DENND1A: variants seen among roughly 807,000 people sequenced by gnomAD.
DENND1A encodes DENN domain-containing protein 1A.
A neutral mutation model predicts 113.7 loss-of-function variants in DENND1A; 51 were observed. The ratio of observed to expected loss-of-function variants is 0.45; its 90% CI spans 0.36 to 0.57. DENND1A has a LOEUF of 0.57. Ranked by LOEUF, DENND1A falls within the 20% of genes least tolerant of loss-of-function variation. The pLI, the probability that DENND1A is intolerant of heterozygous loss-of-function variation, is 0.00. For missense variants in DENND1A, 1,258 were observed against 1,395.9 expected (o/e 0.90, Z 1.57); for synonymous variants, 565 against 570.8 (o/e 0.99, Z 0.14).
chr9:123,492,722 T>C (rs2051486915), intron 13 of DENND1A: 1 of 152,164 alleles, frequency 6.6e-6, no homozygotes, highest in African/African-American at 2.4e-5. Flanking sequence ...CAGTGCGACA[T>C]GTGATAATGA....
chr9:123,609,433 TAC>T lies in DENND1A; in HGVS notation c.765+1_765+2del. 1 of 1,613,486 alleles carries T rather than the reference TAC, an allele frequency of 6.2e-7. No individual in the cohort carries two copies. The highest frequency in any genetic ancestry group is 8.5e-7 in the Non-Finnish European group (1 of 1,179,746). ...CATCTGGGGAGGAAAGAAGCCAACT[TAC>T]CTCCATTAAACTTAAATGGATTCCT... On this transcript the variant is annotated splice_donor_variant, in intron 11 of 23. Transcript: ENST00000394215. LOFTEE classifies it high-confidence loss of function.
At chr9:123,394,536 G>A (rs902428502) in intron 21 of DENND1A, among the ~76,000 whole-genome samples, 1 of 152,234 alleles carries the variant, frequency 6.6e-6, no homozygotes, top group African/African-American at 2.4e-5. Flanking sequence ...CTTGGGTTAT[G>A]CCCTTGGCTT....
chr9:123,607,865 C>T (rs2137653000), intron 11 of DENND1A, among the ~76,000 whole-genome samples: 1 of 152,062 alleles, frequency 6.6e-6, no homozygotes, highest in South Asian at 2.1e-4. Context: ...CTGGAGCAGT[C>T]TGGAAGGCAG....
At chr9:123,694,757 A>G (rs980198062) in intron 5 of DENND1A, among the ~76,000 whole-genome samples, 1 of 152,216 alleles carries the variant, frequency 6.6e-6, no homozygotes, top group Admixed American at 6.5e-5. Flanking sequence ...CTTTAGCTCC[A>G]AAGCTGATGA....
chr9:123,400,094 A>C (rs573433916), intron 21 of DENND1A: 4 of 152,268 alleles, frequency 2.6e-5, no homozygotes, highest in Non-Finnish European at 5.9e-5. Flanking sequence ...GGAAGTAGCC[A>C]GTACTTCTTG....
intron 5 of DENND1A, among the ~76,000 whole-genome samples, chr9:123,726,994 A>G (rs535937939): frequency 6.6e-6 from 1 of 152,340 alleles, no homozygotes; most frequent in African/African-American, 2.4e-5. Context: ...GCAGTCATAG[A>G]ACCTTGGTCA....
intron 3 of DENND1A, among the ~76,000 whole-genome samples, chr9:123,775,856 A>G (rs1192782883): frequency 2.0e-5 from 3 of 152,172 alleles, no homozygotes; most frequent in Non-Finnish European, 2.9e-5. Flanking sequence ...GCAGTCGATA[A>G]TGGGCCCATG....
intron 2 of DENND1A, among the ~76,000 whole-genome samples, chr9:123,827,392 A>ATAT (rs1564348811): frequency 2.1e-4 from 30 of 140,788 alleles, no homozygotes; most frequent in Non-Finnish European, 4.0e-4. Context: ...ATGGATATAT[A>ATAT]ATATATATAT....
intron 5 of DENND1A, among the ~76,000 whole-genome samples, chr9:123,740,443 A>G (rs1163187447): frequency 1.3e-5 from 2 of 152,164 alleles, no homozygotes; most frequent in African/African-American, 2.4e-5. Flanking sequence ...GACACTTTCA[A>G]TTACTCTTAG....
At chr9:123,848,175 C>T (rs1167063775) in intron 2 of DENND1A, among the ~76,000 whole-genome samples, 1 of 124,440 alleles carries the variant, frequency 8.0e-6, no homozygotes, top group African/African-American at 3.1e-5. Context: ...TTCTCAGAAA[C>T]TGTTGATTTG....
chr9:123,914,396 C>T (rs1003555158), intron 1 of DENND1A, among the ~76,000 whole-genome samples: 5 of 151,566 alleles, frequency 3.3e-5, no homozygotes, highest in Admixed American at 3.3e-4. Flanking sequence ...AAAAAATTAG[C>T]CGAGCATGGT....
At chr9:123,585,179 C>T (rs2059103520) in intron 11 of DENND1A, among the ~76,000 whole-genome samples, 1 of 152,184 alleles carries the variant, frequency 6.6e-6, no homozygotes, top group African/African-American at 2.4e-5. Context: ...ACTAACTTCT[C>T]CACGCCTCTG....
At chr9:123,820,518 C>T (rs1414744925) in intron 2 of DENND1A, among the ~76,000 whole-genome samples, 1 of 152,152 alleles carries the variant, frequency 6.6e-6, no homozygotes, top group East Asian at 1.9e-4. Flanking sequence ...TCATCTTGGA[C>T]ATGGCGAGCT....
chr9:123,735,106 A>C (rs551625825), intron 5 of DENND1A, among the ~76,000 whole-genome samples: 2 of 152,312 alleles, frequency 1.3e-5, no homozygotes, highest in South Asian at 4.1e-4. Context: ...TTCTCCCCCC[A>C]AGAAAATCAA....
intron 13 of DENND1A, among the ~76,000 whole-genome samples, chr9:123,502,122 T>C (rs1167920721): frequency 1.3e-5 from 2 of 152,134 alleles, no homozygotes; most frequent in Non-Finnish European, 2.9e-5. Context: ...TATATATCTA[T>C]ATCTACATAT....
At chr9:123,420,872 G>A (rs2045229152) in intron 19 of DENND1A, among the ~76,000 whole-genome samples, 1 of 149,628 alleles carries the variant, frequency 6.7e-6, no homozygotes, top group African/African-American at 2.5e-5. Flanking sequence ...GAGGGAGGAG[G>A]GCCAGCAGTG....
intron 1 of DENND1A, among the ~76,000 whole-genome samples, chr9:123,896,108 G>T (rs1850710119): frequency 6.6e-6 from 1 of 151,988 alleles, no homozygotes; most frequent in African/African-American, 2.4e-5. Context: ...GACCAGCCTG[G>T]TTAGCAGAGC....
Position 123,387,781 on chromosome 9 carries a change from C to T in DENND1A, c.1709G>A (p.Gly570Asp). ...GCTCTCGGTGAAGCCAGAGCTCGGG[C>T]CCTCTTCCCGCTGGCATTCATCATC... ...SSDDECQREEGPSSGFTESFF... is the reference protein window; with the variant it reads ...SSDDECQREEDPSSGFTESFF... The change falls in exon 22 of 24, where the codon GGC becomes GAC. Residue 570 changes from glycine to aspartate, a missense_variant. Around this residue, in one of 2 missense-constraint regions of DENND1A, gnomAD observed 1,159 missense variants for 1,231.7 expected, o/e 0.94. Transcript: ENST00000394215. The T allele has an allele frequency of 7.8e-7, 1 of 1,289,436 alleles. No individual in the cohort carries two copies. The highest frequency in any genetic ancestry group is 1.0e-6 in the Non-Finnish European group (1 of 988,762). The allele number at this position is 1,289,436 out of a possible 1,614,324, so 79.9% of individuals were successfully genotyped here. A position where few individuals can be genotyped will look rare whatever the true frequency, so the allele number is the denominator to read the frequency against.
chr9:123,922,684 T>G (rs1167492457), intron 1 of DENND1A, among the ~76,000 whole-genome samples: 2 of 152,330 alleles, frequency 1.3e-5, no homozygotes, highest in Non-Finnish European at 2.9e-5. Context: ...TATCCTGTAT[T>G]TCAGCTTTAC....
Sources: allele counts gnomAD v4.1 joint callset (sites outside exome capture counted in the v4.1 genomes callset), GRCh38; gene constraint gnomAD v4.1.1; regional missense constraint gnomAD v4.1.1; transcripts MANE v1.5; gene names NCBI Gene and HGNC (gene_info 2026-07-23, HGNC 2026-07-21).